CCDC83: variants seen among roughly 807,000 people sequenced by gnomAD.
CCDC83 encodes the protein coiled-coil domain containing 83, also known as coiled-coil domain-containing protein 83.
Under a neutral mutation model 50.1 loss-of-function variants are expected in CCDC83, and 54 were observed. The ratio of observed to expected loss-of-function variants is 1.08; its 90% CI spans 0.87 to 1.35. The LOEUF is 1.35. Ranked by LOEUF, CCDC83 falls within the 40% of genes most tolerant of loss-of-function variation. CCDC83 has a pLI of 0.00. For synonymous variants in CCDC83, 161 were observed against 153.3 expected, an observed-to-expected ratio of 1.05 and a Z score of -0.37; for missense variants, 518 against 473.9, an observed-to-expected ratio of 1.09 and a Z score of -0.86.
intron 7 of CCDC83, among the ~76,000 whole-genome samples, chr11:85,910,069 C>T (rs1438696375): frequency 2.0e-5 from 3 of 152,166 alleles, no homozygotes; most frequent in South Asian, 4.1e-4. Context: ...GTTTCTTCTG[C>T]CTAGAGCACA....
chr11:85,917,209 G>GAAA (rs1565160173), intron 10 of CCDC83, among the ~76,000 whole-genome samples: 261 of 94,424 alleles, frequency 2.8e-3, no homozygotes, highest in Middle Eastern at 0.012. Context: ...AAAGAAAGAA[G>GAAA]GAAAGAAAGA....
intron 2 of CCDC83, among the ~76,000 whole-genome samples, chr11:85,869,396 A>G (rs1203370053): frequency 6.6e-6 from 1 of 152,234 alleles, no homozygotes; most frequent in Non-Finnish European, 1.5e-5. Flanking sequence ...GTTTTCTACA[A>G]TGAATATGGA....
intron 8 of CCDC83, among the ~76,000 whole-genome samples, chr11:85,911,717 TA>T (rs937312205): frequency 5.3e-5 from 8 of 152,092 alleles, no homozygotes; most frequent in Non-Finnish European, 7.4e-5. Flanking sequence ...AATAAGTACA[TA>T]ACAGTACGGC....
intron 4 of CCDC83, among the ~76,000 whole-genome samples, chr11:85,884,802 C>G (rs115530916): frequency 1.1e-3 from 164 of 152,326 alleles, no homozygotes; most frequent in African/African-American, 3.7e-3. Flanking sequence ...AAATGGGGCA[C>G]TGGCCTGAGA....
At chr11:85,879,906 G>A (rs1210829457) in intron 3 of CCDC83, among the ~76,000 whole-genome samples, 4 of 152,138 alleles carry the variant, frequency 2.6e-5, no homozygotes, top group Admixed American at 6.5e-5. Context: ...GTGAGCCACC[G>A]CGCCCTGCCT....
chr11:85,908,604 TAGATAGAC>T (rs1156995950), intron 7 of CCDC83, among the ~76,000 whole-genome samples: 156 of 122,562 alleles, frequency 1.3e-3, no homozygotes, highest in South Asian at 3.7e-3. Flanking sequence ...GATAGATAGA[TAGATAGAC>T]AGATAGAATT....
chr11:85,919,565 T>C lies in CCDC83; in HGVS notation c.*55T>C. 7.5e-7 allele frequency: 1 copy of C among 1,337,160 alleles called. No individual in the cohort carries two copies. The allele number at this position is 1,337,160 out of a possible 1,614,324, so 82.8% of individuals were successfully genotyped here. A position where few individuals can be genotyped will look rare whatever the true frequency, so the allele number is the denominator to read the frequency against. On this transcript the variant is annotated 3_prime_UTR_variant, in exon 11 of 11. Transcript: ENST00000342404. ...TTCCTTATAAATGTTCTTTGGGAAC[T>C]GAAGTATATCCGTTGCCCATTTTAC...
chr11:85,917,134 A>G (rs77602494), intron 10 of CCDC83, among the ~76,000 whole-genome samples: 2,000 of 77,632 alleles, frequency 0.026, 84 homozygotes, highest in African/African-American at 0.081. Flanking sequence ...AAGAAAAAGA[A>G]AGAGAGAGAG....
At chr11:85,905,766 G>A in intron 7 of CCDC83, among the ~76,000 whole-genome samples, 1 of 151,674 alleles carries the variant, frequency 6.6e-6, no homozygotes, top group East Asian at 2.0e-4. Flanking sequence ...TCAGAAGATC[G>A]AGACCATCCT....
intron 3 of CCDC83, among the ~76,000 whole-genome samples, chr11:85,880,382 GC>G (rs2135027070): frequency 6.6e-6 from 1 of 152,018 alleles, no homozygotes; most frequent in African/African-American, 2.4e-5. Context: ...AACCTTCTGG[GC>G]TCCCACCTCA....
intron 5 of CCDC83, among the ~76,000 whole-genome samples, chr11:85,894,851 A>G (rs1470660452): frequency 6.6e-6 from 1 of 152,226 alleles, no homozygotes; most frequent in Non-Finnish European, 1.5e-5. Flanking sequence ...GTCCTTAAGA[A>G]GGGATATTGA....
chr11:85,915,853 A>G (rs2093474997), intron 9 of CCDC83, among the ~76,000 whole-genome samples, 175 bp from the exon 10 acceptor site: 1 of 152,248 alleles, frequency 6.6e-6, no homozygotes. Flanking sequence ...GCTAACAGAA[A>G]GAAATACAAC....
intron 3 of CCDC83, among the ~76,000 whole-genome samples, chr11:85,879,791 G>A (rs926456186): frequency 6.6e-6 from 1 of 152,084 alleles, no homozygotes; most frequent in Non-Finnish European, 1.5e-5. Flanking sequence ...GGCTAATTTT[G>A]TATTTTTAAT....
At position 85,919,430 on chromosome 11, in the gene CCDC83, G is replaced by A. The variant is rs772264856; in HGVS notation, c.1162G>A (p.Glu388Lys). The A allele has an allele frequency of 3.1e-6, 5 of 1,613,314 alleles. No homozygotes were observed. The highest frequency in any genetic ancestry group is 4.2e-6 in the Non-Finnish European group (5 of 1,179,498). Reference sequence around the variant, plus strand: ...AATGCCCATTCATTTTCAAGAGAAGGAAATTCCAGTCAAACTCTATAAAGA... The same window carrying A: ...AATGCCCATTCATTTTCAAGAGAAGAAAATTCCAGTCAAACTCTATAAAGA... Reference protein sequence around the residue: ...KKMPIHFQEKEIPVKLYKDVR... With the variant: ...KKMPIHFQEKKIPVKLYKDVR... Residue 388 changes from glutamate to lysine, a missense_variant, in exon 11 of 11, where the codon GAA (glutamate) becomes AAA (lysine). By Grantham distance (56) the Glu-to-Lys change is moderately conservative. Coordinates refer to ENST00000342404, the MANE Select transcript of CCDC83 (RefSeq NM_001286159.2).
At chr11:85,912,766 G>A (rs575388047) in intron 8 of CCDC83, 5 of 1,328,204 alleles carry the variant, frequency 3.8e-6, no homozygotes, top group Non-Finnish European at 4.4e-6. Context: ...ACTACCTACT[G>A]CTATAGCTGC....
rs769972845 is a variant in CCDC83, at chr11:85,882,471, C to T, written c.181-42C>T. ...CTCTATTTTGAGGAAACATAGTGTA[C>T]ATAGTTGATCAAACGTGAATTACTG... On this transcript the variant is annotated intron_variant, in intron 3 of 10. Coordinates refer to ENST00000342404, the MANE Select transcript of CCDC83 (RefSeq NM_001286159.2). 5 of 1,599,016 alleles carry T rather than the reference C, an allele frequency of 3.1e-6. No homozygotes were observed. In the South Asian group the frequency reaches 4.4e-5, roughly 14 times the overall value.
intron 1 of CCDC83, among the ~76,000 whole-genome samples, chr11:85,858,271 C>T (rs1031850858): frequency 6.6e-6 from 1 of 152,180 alleles, no homozygotes; most frequent in Admixed American, 6.5e-5. Context: ...ATGGCTGAAG[C>T]CCACCTGGGC....
intron 7 of CCDC83, among the ~76,000 whole-genome samples, chr11:85,900,506 TC>T (rs2093396207): frequency 1.3e-5 from 2 of 152,234 alleles, no homozygotes; most frequent in African/African-American, 4.8e-5. Flanking sequence ...CAGTCTCCAG[TC>T]CACATTCCCA....
intron 10 of CCDC83, among the ~76,000 whole-genome samples, chr11:85,918,970 A>AT (rs1190371263): frequency 6.6e-6 from 1 of 152,156 alleles, no homozygotes; most frequent in African/African-American, 2.4e-5. Flanking sequence ...TTTCAGCTTA[A>AT]TTTTTTCCTT....
Sources: gnomAD v4.1 joint callset for allele counts (sites outside exome capture counted in the v4.1 genomes callset) on GRCh38, gnomAD v4.1.1 for gene constraint, MANE v1.5 for transcripts, NCBI Gene and HGNC (gene_info 2026-07-23, HGNC 2026-07-21) for gene names.